PLXNA2: variants seen among roughly 807,000 people sequenced by gnomAD.
PLXNA2 encodes the protein plexin-A2.
Under a neutral mutation model 193.5 loss-of-function variants are expected in PLXNA2, and 91 were observed. The ratio of observed to expected loss-of-function variants is 0.47; its 90% CI spans 0.40 to 0.56. The LOEUF (loss-of-function observed/expected upper bound fraction) is 0.56. Among genes scored for constraint, PLXNA2 ranks in the 20% least tolerant of loss-of-function variants. The probability of loss-of-function intolerance (pLI) is 0.00; values close to 1 mark genes in which losing one functional copy is unlikely to be tolerated. For missense variants in PLXNA2, 1,995 were observed against 2,503.2 expected, an observed-to-expected ratio of 0.80 and a Z score of 4.33; for synonymous variants, 997 against 1,027.3, an observed-to-expected ratio of 0.97 and a Z score of 0.56.
rs1176581709 is a variant in PLXNA2, at chr1:208,044,694, A to C, written c.3688T>G (p.Ser1230Ala). 1.2e-6 allele frequency: 2 copies of C among 1,614,120 alleles called. No homozygotes were observed. The highest frequency in any genetic ancestry group is 2.2e-5 in the South Asian group (2 of 91,076). ...VFSPGSVSVI[S>A]DSLLTLPAIV... ...GCTGGCAGGGTCAGCAAGCTGTCTG[A>C]GATGACACTCACCGAGCCAGGCGAG... Residue 1230 changes from serine to alanine, a missense_variant, in exon 20 of 32, where the codon TCA (serine) becomes GCA (alanine). Ser to Ala is a moderately conservative substitution (Grantham distance 99). Around this residue, in one of 3 missense-constraint regions of PLXNA2, gnomAD observed 1,291 missense variants for 1,673.6 expected, o/e 0.77. Coordinates refer to ENST00000367033, the MANE Select transcript of PLXNA2 (RefSeq NM_025179.4). This position sits in a 1 kb window ranked among gnomAD's most constrained non-coding sequence, Gnocchi z 4.9.
chr1:208,211,393 C>T (rs1670937031), intron 2 of PLXNA2, among the ~76,000 whole-genome samples: 1 of 151,772 alleles, frequency 6.6e-6, no homozygotes, highest in Non-Finnish European at 1.5e-5. Flanking sequence ...TCACCTTGAG[C>T]AAGTGAAAAA....
At chr1:208,179,910 T>C (rs1303491920) in intron 3 of PLXNA2, among the ~76,000 whole-genome samples, 4 of 152,126 alleles carry the variant, frequency 2.6e-5, no homozygotes, top group Non-Finnish European at 4.4e-5. Flanking sequence ...CTTACTCTTC[T>C]TTGAGATTTC....
rs1346356430 is a variant in PLXNA2 at position 208,142,384 on chromosome 1, C to T, written c.1451G>A (p.Arg484Gln). The T allele has an allele frequency of 2.5e-5, 41 of 1,613,858 alleles. No homozygotes were observed. The highest frequency in any genetic ancestry group is 2.2e-5 in the Non-Finnish European group (26 of 1,179,940). The change falls in exon 4 of 32, where the codon CGG becomes CAG. Residue 484 changes from arginine (R) to glutamine (Q), a missense_variant. By Grantham distance (43) the Arg-to-Gln change is conservative. This residue lies in a region of PLXNA2 where 702 missense variants were observed against 812.9 expected (regional missense o/e 0.86). Coordinates refer to ENST00000367033, the MANE Select transcript of PLXNA2 (RefSeq NM_025179.4). ...CTGATCAATGGAGAAGGCCATGTCC[C>T]GGAGGATGGGGCTTCCGTCCTTGAG... ...SVLKDGSPIL[R>Q]DMAFSIDQRY...
intron 29 of PLXNA2, chr1:208,029,254 G>T: frequency 7.2e-7 from 1 of 1,383,912 alleles, no homozygotes; most frequent in Non-Finnish European, 9.4e-7. Flanking sequence ...CCCTAATGGG[G>T]GCACTGACCC....
At chr1:208,033,752 T>C (rs915116453) in intron 27 of PLXNA2, among the ~76,000 whole-genome samples, 1 of 152,224 alleles carries the variant, frequency 6.6e-6, no homozygotes, top group Non-Finnish European at 1.5e-5. Flanking sequence ...AGAGACATCC[T>C]TGGGAATTTG....
chr1:208,066,749 A>C (rs755101073), intron 12 of PLXNA2, among the ~76,000 whole-genome samples: 1 of 152,222 alleles, frequency 6.6e-6, no homozygotes, highest in Non-Finnish European at 1.5e-5. Flanking sequence ...AGGAGACGAC[A>C]GCTCTATGCA....
intron 3 of PLXNA2, among the ~76,000 whole-genome samples, chr1:208,194,948 A>G (rs1211315443): frequency 1.3e-5 from 2 of 152,346 alleles, no homozygotes; most frequent in Non-Finnish European, 2.9e-5. Flanking sequence ...GTATAAATAC[A>G]TATCACCACC....
intron 1 of PLXNA2, chr1:208,230,161 A>C (rs1202180058): frequency 6.6e-6 from 1 of 152,208 alleles, no homozygotes; most frequent in Non-Finnish European, 1.5e-5. Flanking sequence ...AACACTGTAC[A>C]AGGACATCAT....
rs185121184 is a variant in PLXNA2, at chr1:208,083,468, T to C, written c.2298+912A>G. 1.6e-3 allele frequency among the ~76,000 whole-genome samples: 239 copies of C among 152,048 alleles called. 1 individual carries two copies. The highest frequency in any genetic ancestry group is 0.014 in the Admixed American group (217 of 15,280). On this transcript the variant is annotated intron_variant, in intron 10 of 31. Transcript: ENST00000367033. ...CCCTCCCCTGCCCACTGCCTCCCTT[T>C]GTTGTGTCCCTTTTCTTTCTCATCC... is the stretch of plus-strand genomic sequence containing the variant.
intron 12 of PLXNA2, among the ~76,000 whole-genome samples, chr1:208,075,100 C>T (rs1484064904): frequency 6.6e-6 from 1 of 152,158 alleles, no homozygotes; most frequent in African/African-American, 2.4e-5. Context: ...CACCTGAGGT[C>T]AGGAGTTTGA....
At chr1:208,167,911 C>G (rs1273363713) in intron 3 of PLXNA2, among the ~76,000 whole-genome samples, 2 of 152,202 alleles carry the variant, frequency 1.3e-5, no homozygotes, top group Admixed American at 6.5e-5. Context: ...CCACCCAACA[C>G]AAATCCATTA....
intron 12 of PLXNA2, among the ~76,000 whole-genome samples, chr1:208,076,496 C>A (rs918319464): frequency 6.6e-6 from 1 of 152,144 alleles, no homozygotes; most frequent in African/African-American, 2.4e-5. Flanking sequence ...TGCCCAGATT[C>A]GGCTTCTGAG....
rs779560632 is a variant in PLXNA2 at position 208,210,337 on chromosome 1, G to A, written c.1314C>T (p.Tyr438=). The change falls in exon 3 of 32, where the codon TAC becomes TAT. Residue 438 remains tyrosine (Y), a synonymous_variant. Transcript: ENST00000367033. The part of the protein sequence containing the change: ...SRDRMTSVAS[Y]VYNGYSVVFV... ...AAACCACGCTGTAGCCGTTGTAAAC[G>A]TAGGAGGCCACAGAGGTCATGCGGT... The A allele has an allele frequency of 8.7e-6, 14 of 1,613,982 alleles. No homozygotes were observed. The highest frequency in any genetic ancestry group is 1.1e-5 in the South Asian group (1 of 91,072).
intron 12 of PLXNA2, among the ~76,000 whole-genome samples, chr1:208,075,559 G>C (rs1202003323): frequency 6.6e-6 from 1 of 152,116 alleles, no homozygotes; most frequent in African/African-American, 2.4e-5. Flanking sequence ...GTATCTTATG[G>C]GAAGGTAGCT....
At chr1:208,230,864 G>T (rs1243562480) in intron 1 of PLXNA2, among the ~76,000 whole-genome samples, 1 of 152,148 alleles carries the variant, frequency 6.6e-6, no homozygotes, top group Non-Finnish European at 1.5e-5. Context: ...TAACAGGCAC[G>T]CTCACAATTA....
intron 11 of PLXNA2, among the ~76,000 whole-genome samples, chr1:208,080,161 G>A (rs1666289452): frequency 1.3e-5 from 2 of 152,110 alleles, no homozygotes; most frequent in Non-Finnish European, 2.9e-5. Flanking sequence ...GTCAGCTTGG[G>A]GTTAAAGAAA....
intron 4 of PLXNA2, among the ~76,000 whole-genome samples, chr1:208,115,375 A>C (rs1667603456): frequency 1.3e-5 from 2 of 152,200 alleles, no homozygotes; most frequent in Non-Finnish European, 2.9e-5. Flanking sequence ...CCATTCATCC[A>C]CCAGACTGCT....
chr1:208,027,047 CTG>C lies in PLXNA2; in HGVS notation c.*194_*195del. The C allele has an allele frequency of 3.8e-6, 2 of 530,586 alleles. No individual in the cohort carries two copies. The allele number at this position is 530,586 out of a possible 1,614,324, so 32.9% of individuals were successfully genotyped here. The stretch of plus-strand genomic sequence containing the variant: ...TCTCACTGAGGATGGACGACGCCCA[CTG>C]TCTCTCCCAGCTGGAACTGGCTATG... On this transcript the variant is annotated 3_prime_UTR_variant, in exon 32 of 32. Coordinates refer to ENST00000367033, the MANE Select transcript of PLXNA2 (RefSeq NM_025179.4).
At chr1:208,175,866 A>C (rs1669648456) in intron 3 of PLXNA2, among the ~76,000 whole-genome samples, 1 of 152,180 alleles carries the variant, frequency 6.6e-6, no homozygotes, top group South Asian at 2.1e-4. Context: ...CCATAGTTAA[A>C]AGATGCCTAG....
Sources: allele counts gnomAD v4.1 joint callset (sites outside exome capture counted in the v4.1 genomes callset), GRCh38; gene constraint gnomAD v4.1.1; regional missense constraint gnomAD v4.1.1; non-coding constraint Gnocchi (gnomAD v3.1); transcripts MANE v1.5; gene names NCBI Gene and HGNC (gene_info 2026-07-23, HGNC 2026-07-21).